Variants in ZBTB40 observed in about 807,000 individuals in gnomAD.
The protein encoded by ZBTB40 is zinc finger and BTB domain-containing protein 40.
A neutral mutation model predicts 117.5 loss-of-function variants in ZBTB40; 60 were observed. The observed-to-expected ratio is 0.51, with a 90% CI of 0.41 to 0.63. The LOEUF is 0.63. Ranked by LOEUF, ZBTB40 falls within the 30% of genes least tolerant of loss-of-function variation. The pLI, the probability that ZBTB40 is intolerant of heterozygous loss-of-function variation, is 0.00. For missense variants in ZBTB40, 1,287 were observed against 1,498.5 expected, an observed-to-expected ratio of 0.86 and a Z score of 2.33; for synonymous variants, 525 against 577.1, an observed-to-expected ratio of 0.91 and a Z score of 1.29.
chr1:22,435,690 C>T (rs1640660637), intron 1 of ZBTB40, among the ~76,000 whole-genome samples: 1 of 151,742 alleles, frequency 6.6e-6, no homozygotes, highest in African/African-American at 2.4e-5. Context: ...AATTTTCTTC[C>T]TAAAAGAAAA....
At chr1:22,523,792 A>AT (rs905057149) in intron 16 of ZBTB40, among the ~76,000 whole-genome samples, 2 of 152,196 alleles carry the variant, frequency 1.3e-5, no homozygotes, top group African/African-American at 4.8e-5. Flanking sequence ...TGGTGTGCGC[A>AT]TTGACGATTG....
At chr1:22,526,108 A>T (rs1639669279) in intron 17 of ZBTB40, 94 bp from the exon 18 acceptor site, 1 of 1,463,030 alleles carries the variant, frequency 6.8e-7, no homozygotes, top group Non-Finnish European at 9.5e-7. Context: ...TGAAAACATA[A>T]ATATCATCAT....
intron 1 of ZBTB40, among the ~76,000 whole-genome samples, chr1:22,466,668 ACTGGCCACTTTGC>A (rs1446592920): frequency 5.3e-5 from 8 of 151,930 alleles, no homozygotes; most frequent in Admixed American, 3.9e-4. Flanking sequence ...TCATGTACTT[ACTGGCCACTTTGC>A]CTGTCTTTGG....
At chr1:22,432,501 G>A (rs1640605601) in intron 1 of ZBTB40, among the ~76,000 whole-genome samples, 1 of 152,186 alleles carries the variant, frequency 6.6e-6, no homozygotes, top group African/African-American at 2.4e-5. Flanking sequence ...TTAACATGAA[G>A]TAAAATTAAA....
Position 22,526,191 on chromosome 1 carries a change from T to C in ZBTB40, c.3526-11T>C. 1 of 1,614,156 alleles carries C rather than the reference T, an allele frequency of 6.2e-7. No homozygotes were observed. Among genetic ancestry groups the C allele is most frequent in the Non-Finnish European group, 8.5e-7 (1 of 1,180,008 alleles). On this transcript the variant is annotated splice_polypyrimidine_tract_variant and intron_variant, in intron 17 of 17. Coordinates refer to ENST00000375647, the MANE Select transcript of ZBTB40 (RefSeq NM_014870.4). Reference sequence around the variant, plus strand: ...ACTGCCCAGAGCAGCCTCACGGTCTTTCTCTTTCAGGTGATCCAAACCCCA... The same window carrying C: ...ACTGCCCAGAGCAGCCTCACGGTCTCTCTCTTTCAGGTGATCCAAACCCCA...
rs191829925 is a variant in ZBTB40, at chr1:22,456,808, A to G, written c.-70+4804A>G. On this transcript the variant is annotated intron_variant, in intron 1 of 17. Coordinates refer to ENST00000375647, the MANE Select transcript of ZBTB40 (RefSeq NM_014870.4). Reference sequence around the variant, plus strand: ...GATGGTTGTTGTTAATTTACATGAGACTGGTGAGATGTGGACCTATTGTCT... The same window carrying G: ...GATGGTTGTTGTTAATTTACATGAGGCTGGTGAGATGTGGACCTATTGTCT... Among the ~76,000 whole-genome samples, 15 of 152,268 alleles carry G rather than the reference A, an allele frequency of 9.9e-5. No homozygotes were observed. In the East Asian group the frequency reaches 2.9e-3, roughly 29 times the overall value.
chr1:22,517,600 C>G, intron 13 of ZBTB40, 136 bp downstream of exon 13: 1 of 1,010,748 alleles, frequency 9.9e-7, no homozygotes, highest in South Asian at 1.7e-5. Context: ...CGCTGCAAAA[C>G]CCAGAGTCCC....
Position 22,511,736 on chromosome 1 carries a change from T to A in ZBTB40, c.2063T>A (p.Leu688His), listed in dbSNP as rs751650395. 6.2e-7 allele frequency: 1 copy of A among 1,608,354 alleles called. No homozygotes were observed. Among genetic ancestry groups the A allele is most frequent in the Non-Finnish European group, 8.5e-7 (1 of 1,178,544 alleles). Reference protein sequence around the residue: ...ETWKVSNKFHLEANNKEDEKA... With the variant: ...ETWKVSNKFHHEANNKEDEKA... ...TGGAAGGTGAGTAATAAATTTCACC[T>A]TGAAGCCAACAACAAAGAAGATGAA... The change falls in exon 11 of 18, where the codon CTT becomes CAT. Residue 688 changes from leucine to histidine, a missense_variant. Physicochemically the swap from Leu to His is moderately conservative, Grantham distance 99. Around this residue, in one of 2 missense-constraint regions of ZBTB40, gnomAD observed 870 missense variants for 934.4 expected, o/e 0.93. Coordinates refer to ENST00000375647, the MANE Select transcript of ZBTB40 (RefSeq NM_014870.4).
In ZBTB40 at chr1:22,501,663, G is replaced by A. The variant is rs1195233708; in HGVS notation, c.1003G>A (p.Val335Ile). 1.2e-6 allele frequency: 2 copies of A among 1,613,900 alleles called. No individual in the cohort carries two copies. The highest frequency in any genetic ancestry group is 1.1e-5 in the South Asian group (1 of 91,068). The stretch of plus-strand genomic sequence containing the variant: ...ACTATTAGACAGGAAGCCAGAAGAT[G>A]TAGACACAGTGCAGCCAAAAGGTAG... ...TALLDRKPED[V>I]DTVQPKGSTE... The change falls in exon 4 of 18, where the codon GTA becomes ATA. Residue 335 changes from valine to isoleucine, a missense_variant. Around this residue, in one of 2 missense-constraint regions of ZBTB40, gnomAD observed 870 missense variants for 934.4 expected, o/e 0.93. Coordinates refer to ENST00000375647, the MANE Select transcript of ZBTB40 (RefSeq NM_014870.4).
At position 22,451,876 on chromosome 1, in the gene ZBTB40, G is replaced by C. The variant is rs1225205348; in HGVS notation, c.-198G>C. 6.6e-6 allele frequency: 1 copy of C among 152,350 alleles called. No individual in the cohort carries two copies. The highest frequency in any genetic ancestry group is 1.5e-5 in the Non-Finnish European group (1 of 68,084). 9.4% of individuals were successfully genotyped at this position (152,350 alleles called of 1,614,324 possible). ...GATACCCATTGCGCGCCGGCCTCAAGATGGCCGCCTTCTGGCGTCTCCGGC... is the reference window on the plus strand; with the variant it reads ...GATACCCATTGCGCGCCGGCCTCAACATGGCCGCCTTCTGGCGTCTCCGGC... On this transcript the variant is annotated 5_prime_UTR_variant, in exon 1 of 18. Transcript: ENST00000375647.
At position 22,528,120 on chromosome 1, in the gene ZBTB40, GCTCA is replaced by G. The variant is rs753387016; in HGVS notation, c.*1727_*1730del. 1 of 152,794 alleles carries G rather than the reference GCTCA, an allele frequency of 6.5e-6. No individual in the cohort carries two copies. The highest frequency in any genetic ancestry group is 1.5e-5 in the Non-Finnish European group (1 of 68,046). 9.5% of individuals were successfully genotyped at this position (152,794 alleles called of 1,614,324 possible). A position where few individuals can be genotyped will look rare whatever the true frequency, so the allele number is the denominator to read the frequency against. ...TTAAGACTTCATCTCCATGTGAAGG[GCTCA>G]CTGTTTCTACCAAGGCTGTGCCTGT... On this transcript the variant is annotated 3_prime_UTR_variant, in exon 18 of 18. Transcript: ENST00000375647.
chr1:22,477,042 TTTTACA>T (rs1247693600), intron 1 of ZBTB40, among the ~76,000 whole-genome samples: 1 of 152,222 alleles, frequency 6.6e-6, no homozygotes, highest in Non-Finnish European at 1.5e-5. Context: ...TATTAGAGAC[TTTTACA>T]TTTCAGTTGG....
chr1:22,472,904 T>C (rs1641445994), intron 1 of ZBTB40, among the ~76,000 whole-genome samples: 1 of 152,154 alleles, frequency 6.6e-6, no homozygotes, highest in Admixed American at 6.5e-5. Context: ...GAGTTTGGGT[T>C]GGTACCAGGA....
At position 22,513,963 on chromosome 1, in the gene ZBTB40, C is replaced by T. The variant is rs1639309757; in HGVS notation, c.2668+833C>T. On this transcript the variant is annotated intron_variant, in intron 12 of 17. Transcript: ENST00000375647. The surrounding 1 kb of genome is among the most constrained non-coding windows in gnomAD (Gnocchi z 4.9). ...GCATGAGAAGGACCCTGACTAAGCA[C>T]CTACCGTGGATCAGACAGTGGCAGA... Among the ~76,000 whole-genome samples, 2 of 152,220 alleles carry T rather than the reference C, an allele frequency of 1.3e-5. No individual in the cohort carries two copies. Among genetic ancestry groups the T allele is most frequent in the Admixed American group, 6.5e-5 (1 of 15,284 alleles).
chr1:22,433,432 C>CAAAAAAAAAA lies in ZBTB40; in HGVS notation c.-70+4434_-70+4443dup, dbSNP rs767913519. ...TGGGCGACAGAGCAAGACGCCCTCT[C>CAAAAAAAAAA]AAAAAAAAAAAAAAAAAAAAAAAAA... On this transcript the variant is annotated intron_variant, in intron 1 of 8. Transcript: ENST00000650433. Among the ~76,000 whole-genome samples, 10 of 8,762 alleles carry CAAAAAAAAAA rather than the reference C, an allele frequency of 1.1e-3. 1 individual carries two copies. Among genetic ancestry groups the CAAAAAAAAAA allele is most frequent in the African/African-American group, 1.2e-3 (5 of 4,066 alleles). 5.7% of individuals were successfully genotyped at this position (8,762 alleles called of 152,430 possible).
At chr1:22,446,657 C>T (rs573147124) in intron 1 of ZBTB40, among the ~76,000 whole-genome samples, 2 of 151,932 alleles carry the variant, frequency 1.3e-5, no homozygotes, top group Admixed American at 6.6e-5. Flanking sequence ...AAAACTCCAC[C>T]GAACTAGAAT....
At chr1:22,486,931 T>C (rs1022185354) in intron 1 of ZBTB40, among the ~76,000 whole-genome samples, 2 of 152,050 alleles carry the variant, frequency 1.3e-5, no homozygotes, top group Admixed American at 1.3e-4. Flanking sequence ...GACGAGGTTT[T>C]GCCATGTTGA....
chr1:22,481,998 C>G (rs962798155), intron 1 of ZBTB40, among the ~76,000 whole-genome samples: 1 of 151,580 alleles, frequency 6.6e-6, no homozygotes, highest in Admixed American at 6.6e-5. Flanking sequence ...GAATTTTCCC[C>G]TCCTCTTTCC....
intron 3 of ZBTB40, among the ~76,000 whole-genome samples, chr1:22,493,841 G>A (rs1638701472): frequency 6.6e-6 from 1 of 150,468 alleles, no homozygotes; most frequent in Non-Finnish European, 1.5e-5. Context: ...TTCTACAGAG[G>A]TACGCCCCTA....
Sources: allele counts gnomAD v4.1 joint callset (sites outside exome capture counted in the v4.1 genomes callset), GRCh38; gene constraint gnomAD v4.1.1; regional missense constraint gnomAD v4.1.1; non-coding constraint Gnocchi (gnomAD v3.1); transcripts MANE v1.5; gene names NCBI Gene and HGNC (gene_info 2026-07-23, HGNC 2026-07-21).